Variants in DCUN1D1 observed in about 807,000 individuals in gnomAD.
The protein encoded by DCUN1D1 is DCN1-like protein 1.
In DCUN1D1, 3 loss-of-function variants were observed where a neutral mutation model predicts 39.0. That is an observed-to-expected ratio of 0.08 (90% CI 0.04 to 0.20). The LOEUF is 0.20. DCUN1D1 is among the 10% of genes least tolerant of loss of function. DCUN1D1 has a pLI of 1.00. For synonymous variants in DCUN1D1, 82 were observed against 96.3 expected (o/e 0.85, Z 0.87); for missense variants, 158 against 302.4 (o/e 0.52, Z 3.54).
At position 182,961,461 on chromosome 3, in the gene DCUN1D1, T is replaced by A. The variant is rs765925164; in HGVS notation, c.390-105A>T. On this transcript the variant is annotated intron_variant, in intron 3 of 6. Transcript: ENST00000292782. ...CATTTATTTCCTAGAACTACTTTTTTAAAAATCAAATAGTTCGAATTCAGT... is the reference window on the plus strand; with the variant it reads ...CATTTATTTCCTAGAACTACTTTTTAAAAAATCAAATAGTTCGAATTCAGT... 6.8e-4 allele frequency: 727 copies of A among 1,066,518 alleles called. 1 individual carries two copies. The highest frequency in any genetic ancestry group is 9.0e-4 in the Non-Finnish European group (658 of 729,216). The allele number at this position is 1,066,518 out of a possible 1,614,324, so 66.1% of individuals were successfully genotyped here.
chr3:182,980,516 C>T lies in DCUN1D1; in HGVS notation c.-27G>A, dbSNP rs1728490959. On this transcript the variant is annotated 5_prime_UTR_variant, in exon 1 of 7. Transcript: ENST00000292782. ...TTGGTGTCCTCCAGGCCTCTCCCCT[C>T]CTCCTCCGGCTCCGCAGCGAATGGA... 1 of 1,239,128 alleles carries T rather than the reference C, an allele frequency of 8.1e-7. No individual in the cohort carries two copies. The highest frequency in any genetic ancestry group is 1.9e-5 in the South Asian group (1 of 53,042). 76.8% of individuals were successfully genotyped at this position (1,239,128 alleles called of 1,614,324 possible).
At chr3:182,964,673 C>CTCTG (rs1727577593) in intron 2 of DCUN1D1, among the ~76,000 whole-genome samples, 1 of 134,594 alleles carries the variant, frequency 7.4e-6, no homozygotes, top group African/African-American at 2.8e-5. Context: ...CGGAGTCTCA[C>CTCTG]TCTGTCACCC....
At chr3:182,980,675 C>T, upstream of DCUN1D1, 1 of 736,950 alleles carries the variant, frequency 1.4e-6, no homozygotes, top group Non-Finnish European at 1.7e-6. Context: ...AGGCGGAGGG[C>T]GCCCCGCGCG....
intron 1 of DCUN1D1, among the ~76,000 whole-genome samples, chr3:182,976,444 TACACACAC>T (rs59465164): frequency 0.37 from 51,440 of 140,550 alleles, 10,445 homozygotes; most frequent in South Asian, 0.48. Flanking sequence ...TATACATACA[TACACACAC>T]ACACACACAC....
intron 3 of DCUN1D1, 97 bp from the exon 4 acceptor site, chr3:182,961,453 T>A: frequency 8.8e-7 from 1 of 1,136,112 alleles, no homozygotes; most frequent in Non-Finnish European, 1.3e-6. Flanking sequence ...TTCCTAGAAC[T>A]ACTTTTTTAA....
intron 1 of DCUN1D1, 96 bp downstream of exon 1, chr3:182,980,391 G>T: frequency 1.1e-6 from 1 of 918,596 alleles, no homozygotes; most frequent in Non-Finnish European, 1.3e-6. Context: ...GCTCGGGGCT[G>T]CAGGGTCGCC....
At chr3:182,950,743 G>A (rs142748499) in intron 4 of DCUN1D1, 4,400 of 151,794 alleles carry the variant, frequency 0.029, 209 homozygotes, top group African/African-American at 0.1. Context: ...AGTGGCTCAC[G>A]GGTGTAATCC....
At chr3:182,951,559 TG>T (rs1256721914) in intron 4 of DCUN1D1, among the ~76,000 whole-genome samples, 1 of 115,614 alleles carries the variant, frequency 8.6e-6, no homozygotes, top group Non-Finnish European at 1.6e-5. Flanking sequence ...GAGGCTGCAG[TG>T]GGTCATGATT....
At chr3:182,977,692 C>T (rs996258240) in intron 1 of DCUN1D1, among the ~76,000 whole-genome samples, 23 of 152,014 alleles carry the variant, frequency 1.5e-4, no homozygotes, top group African/African-American at 5.3e-4. Context: ...CCTTGGCCTC[C>T]CAAAGTGCTG....
At chr3:182,967,977 C>G (rs1452969850) in intron 1 of DCUN1D1, among the ~76,000 whole-genome samples, 1 of 152,224 alleles carries the variant, frequency 6.6e-6, no homozygotes, top group African/African-American at 2.4e-5. Flanking sequence ...ACCAAAGGAT[C>G]ACTGTGACTG....
intron 4 of DCUN1D1, among the ~76,000 whole-genome samples, chr3:182,959,636 C>T (rs376383286): frequency 2.6e-4 from 40 of 151,776 alleles, no homozygotes; most frequent in South Asian, 2.5e-3. Flanking sequence ...GTATTTGGCA[C>T]GGCACATAGC....
chr3:182,983,005 CCTT>C (rs972344855), upstream of DCUN1D1, among the ~76,000 whole-genome samples: 2 of 152,188 alleles, frequency 1.3e-5, no homozygotes, highest in South Asian at 2.1e-4. Context: ...AGCCTCTACT[CCTT>C]CTCCACTGCT....
At chr3:182,953,819 T>C (rs1247154517) in intron 4 of DCUN1D1, among the ~76,000 whole-genome samples, 1 of 152,186 alleles carries the variant, frequency 6.6e-6, no homozygotes, top group Non-Finnish European at 1.5e-5. Flanking sequence ...ATTGAGATCC[T>C]TGCAGAATAA....
At chr3:182,958,768 T>C (rs1273485477) in intron 4 of DCUN1D1, among the ~76,000 whole-genome samples, 2 of 152,204 alleles carry the variant, frequency 1.3e-5, no homozygotes, top group Non-Finnish European at 1.5e-5. Context: ...TTTTTTCCTG[T>C]AATCTAAAAT....
chr3:182,975,180 T>C (rs1349610208), intron 1 of DCUN1D1, among the ~76,000 whole-genome samples: 1 of 151,350 alleles, frequency 6.6e-6, no homozygotes, highest in East Asian at 1.9e-4. Context: ...ACAGAATTTT[T>C]TTTTTTTTTT....
chr3:182,949,850 C>A (rs1726617636), intron 4 of DCUN1D1, among the ~76,000 whole-genome samples: 1 of 152,214 alleles, frequency 6.6e-6, no homozygotes, highest in African/African-American at 2.4e-5. Context: ...CCTCAACTAG[C>A]AGACTGAAAT....
chr3:182,943,754 G>A lies in DCUN1D1; in HGVS notation c.*1340C>T, dbSNP rs1360817374. The A allele has an allele frequency of 6.6e-6, 1 of 152,508 alleles. No homozygotes were observed. Among genetic ancestry groups the A allele is most frequent in the Non-Finnish European group, 1.5e-5 (1 of 68,004 alleles). 9.4% of individuals were successfully genotyped at this position (152,508 alleles called of 1,614,324 possible). On this transcript the variant is annotated 3_prime_UTR_variant, in exon 7 of 7. Coordinates refer to ENST00000292782, the MANE Select transcript of DCUN1D1 (RefSeq NM_020640.4). Reference sequence around the variant, plus strand: ...TTCTTCACATGTCAGTAAGTGAACAGGGAAATGACCATTTTCAGCATAAAA... The same window carrying A: ...TTCTTCACATGTCAGTAAGTGAACAAGGAAATGACCATTTTCAGCATAAAA...
chr3:182,964,887 C>A (rs1296465395), intron 2 of DCUN1D1, among the ~76,000 whole-genome samples: 1 of 152,152 alleles, frequency 6.6e-6, no homozygotes, highest in African/African-American at 2.4e-5. Context: ...GATCTGACCA[C>A]CTCGGCCTCC....
intron 6 of DCUN1D1, 122 bp downstream of exon 6, chr3:182,947,114 AAC>A: frequency 1.7e-6 from 1 of 602,950 alleles, no homozygotes; most frequent in Non-Finnish European, 2.8e-6. Context: ...AAAAAACAAA[AAC>A]AAAACAAAAG....
Sources: gnomAD v4.1 joint callset for allele counts (sites outside exome capture counted in the v4.1 genomes callset) on GRCh38, gnomAD v4.1.1 for gene constraint, MANE v1.5 for transcripts, NCBI Gene and HGNC (gene_info 2026-07-23, HGNC 2026-07-21) for gene names.